Variants in RASEF observed in about 807,000 individuals in gnomAD.
The protein encoded by RASEF is RAS and EF-hand domain containing.
RASEF carries 68 observed loss-of-function variants against 90.1 expected under a neutral mutation model. The ratio of observed to expected loss-of-function variants is 0.75; its 90% CI spans 0.62 to 0.92. RASEF has a LOEUF of 0.92. Ranked by LOEUF, RASEF falls within the 40% of genes least tolerant of loss-of-function variation. The pLI is 0.00. For synonymous variants in RASEF, 331 were observed against 345.2 expected, an observed-to-expected ratio of 0.96 and a Z score of 0.46; for missense variants, 949 against 937.2, an observed-to-expected ratio of 1.01 and a Z score of -0.16.
intron 1 of RASEF, among the ~76,000 whole-genome samples, chr9:83,060,332 T>C (rs371686227): frequency 6.6e-6 from 1 of 152,206 alleles, no homozygotes; most frequent in African/African-American, 2.4e-5. Context: ...TCAAAGAAAA[T>C]TCTTGCTTGC....
chr9:83,206,972 G>T, the RASEF span, among the ~76,000 whole-genome samples: 2 of 152,076 alleles, frequency 1.3e-5, no homozygotes, highest in African/African-American at 4.8e-5. Flanking sequence ...CTTCAGACCT[G>T]CCTTTCCCTC....
chr9:83,041,211 C>T (rs996485020), intron 1 of RASEF, among the ~76,000 whole-genome samples: 1 of 152,182 alleles, frequency 6.6e-6, no homozygotes, highest in Non-Finnish European at 1.5e-5. Flanking sequence ...TTTTCTATGA[C>T]AGTTAATGTA....
At chr9:83,098,104 GT>G in the RASEF span, among the ~76,000 whole-genome samples, 244 of 152,304 alleles carry the variant, frequency 1.6e-3, 1 homozygote, top group Middle Eastern at 0.014. Context: ...TGAACTTTCA[GT>G]TGAGAACTAA....
the RASEF span, among the ~76,000 whole-genome samples, chr9:83,201,780 T>C: frequency 2.0e-5 from 3 of 152,076 alleles, no homozygotes; most frequent in Admixed American, 1.3e-4. Context: ...GTCTCTTCAG[T>C]TCTATTCTCA....
the RASEF span, among the ~76,000 whole-genome samples, chr9:83,078,695 G>T: frequency 6.6e-6 from 1 of 151,724 alleles, no homozygotes; most frequent in Non-Finnish European, 1.5e-5. Flanking sequence ...AGAGAGAAAT[G>T]ACACTTCAGG....
intron 1 of RASEF, among the ~76,000 whole-genome samples, chr9:83,041,044 A>G (rs761525946): frequency 2.0e-5 from 3 of 151,958 alleles, no homozygotes; most frequent in Non-Finnish European, 4.4e-5. Flanking sequence ...TGTATTTAGT[A>G]GAGATAGAGT....
At chr9:83,160,981 C>G in the RASEF span, among the ~76,000 whole-genome samples, 4 of 152,186 alleles carry the variant, frequency 2.6e-5, no homozygotes, top group Non-Finnish European at 5.9e-5. Context: ...GAACCTCCAC[C>G]TAGATTTCGG....
rs1587483820 is a variant in RASEF at position 83,000,111 on chromosome 9, G to A, written c.1723+58C>T. ...ATCTGTGTATGTAATCCCTGAAGAA[G>A]AGAAAATCAAGCTAAGGAAGGTCAT... On this transcript the variant is annotated intron_variant, in intron 12 of 16. Coordinates refer to ENST00000376447, the MANE Select transcript of RASEF (RefSeq NM_152573.4). 3.9e-6 allele frequency: 6 copies of A among 1,520,004 alleles called. No homozygotes were observed. The East Asian group carries it at 1.4e-4, about 34-fold the overall frequency. 94.2% of individuals were successfully genotyped at this position (1,520,004 alleles called of 1,614,324 possible).
chr9:83,075,310 T>G, the RASEF span, among the ~76,000 whole-genome samples: 1 of 152,218 alleles, frequency 6.6e-6, no homozygotes, highest in Non-Finnish European at 1.5e-5. Context: ...CCAATCAACT[T>G]TTTCTTAATA....
At chr9:83,011,550 C>CAAAAAAAAAAAAAAAAAAAAAAA (rs71363083) in intron 5 of RASEF, among the ~76,000 whole-genome samples, 1 of 28,108 alleles carries the variant, frequency 3.6e-5, no homozygotes, top group African/African-American at 1.4e-4. Flanking sequence ...GACTCCATCT[C>CAAAAAAAAAAAAAAAAAAAAAAA]AAAAAAAAAA....
chr9:83,185,426 A>G, the RASEF span, among the ~76,000 whole-genome samples: 3 of 149,704 alleles, frequency 2.0e-5, no homozygotes, highest in South Asian at 6.3e-4. Flanking sequence ...GGCTCAAGTG[A>G]TCCTCCTGCC....
At chr9:83,207,598 C>CTTTTTTT in the RASEF span, among the ~76,000 whole-genome samples, 33 of 85,466 alleles carry the variant, frequency 3.9e-4, no homozygotes, top group African/African-American at 9.9e-4. Context: ...AGGAGGGCTG[C>CTTTTTTT]TTTTTTTTTT....
chr9:83,094,312 A>C, the RASEF span, among the ~76,000 whole-genome samples: 3 of 147,442 alleles, frequency 2.0e-5, no homozygotes, highest in Middle Eastern at 3.2e-3. Flanking sequence ...CTTAGTACAA[A>C]AAAAGCTTAT....
At chr9:83,171,621 T>C in the RASEF span, among the ~76,000 whole-genome samples, 1 of 151,870 alleles carries the variant, frequency 6.6e-6, no homozygotes, top group African/African-American at 2.4e-5. Flanking sequence ...ACTGGTATGT[T>C]CAAGTGTTCT....
intron 9 of RASEF, 71 bp from the exon 10 acceptor site, chr9:83,001,201 C>T: frequency 9.2e-7 from 1 of 1,083,482 alleles, no homozygotes; most frequent in South Asian, 1.4e-5. Context: ...CAATAGACCA[C>T]ATGCCATTAG....
chr9:83,200,071 A>G, the RASEF span, among the ~76,000 whole-genome samples: 1 of 152,178 alleles, frequency 6.6e-6, no homozygotes, highest in African/African-American at 2.4e-5. Flanking sequence ...ATGCATATGC[A>G]CACACATATA....
At chr9:83,006,697 GA>G (rs1270709977) in intron 7 of RASEF, among the ~76,000 whole-genome samples, 2 of 151,886 alleles carry the variant, frequency 1.3e-5, no homozygotes, top group Non-Finnish European at 2.9e-5. Flanking sequence ...TGGGGAGAGG[GA>G]AAAAAACCTA....
chr9:83,055,508 C>T (rs773888027), intron 1 of RASEF: 16 of 698,362 alleles, frequency 2.3e-5, no homozygotes, highest in African/African-American at 1.2e-4. Context: ...CCGTCTTCTG[C>T]GTCGCTCACG....
At chr9:83,055,706 A>G in intron 1 of RASEF, 1 of 716,686 alleles carries the variant, frequency 1.4e-6, no homozygotes, top group Admixed American at 2.0e-5. Flanking sequence ...AGTCATCCAA[A>G]TCTGTAATGC....
Sources: gnomAD v4.1 joint callset for allele counts (sites outside exome capture counted in the v4.1 genomes callset) on GRCh38, gnomAD v4.1.1 for gene constraint, MANE v1.5 for transcripts, NCBI Gene and HGNC (gene_info 2026-07-23, HGNC 2026-07-21) for gene names.